The following SCAPER variants were observed in gnomAD, a reference collection of about 807,000 sequenced individuals.
SCAPER encodes S-phase cyclin A associated protein in the ER, also known as S phase cyclin A-associated protein in the endoplasmic reticulum.
In SCAPER, 98 loss-of-function variants were observed where a neutral mutation model predicts 182.2. The ratio of observed to expected loss-of-function variants is 0.54; its 90% CI spans 0.46 to 0.64. SCAPER has a LOEUF of 0.64. SCAPER is among the 30% of genes least tolerant of loss of function. The pLI, the probability that SCAPER is intolerant of heterozygous loss-of-function variation, is 0.00. For synonymous variants in SCAPER, 605 were observed against 564.6 expected (o/e 1.07, Z -1.01); for missense variants, 1,432 against 1,690.0 (o/e 0.85, Z 2.68).
chr15:76,385,440 C>T (rs963432494), intron 27 of SCAPER, among the ~76,000 whole-genome samples: 1 of 152,162 alleles, frequency 6.6e-6, no homozygotes, highest in African/African-American at 2.4e-5. Context: ...AGTTTGGCTT[C>T]ATTTTGGAAT....
intron 4 of SCAPER, among the ~76,000 whole-genome samples, chr15:76,849,193 C>G (rs1284170812): frequency 1.3e-5 from 2 of 152,208 alleles, no homozygotes. Flanking sequence ...CCGCCCCATC[C>G]CAGTGGCTGA....
At chr15:76,423,467 C>G (rs968794195) in intron 26 of SCAPER, among the ~76,000 whole-genome samples, 1 of 152,098 alleles carries the variant, frequency 6.6e-6, no homozygotes, top group Non-Finnish European at 1.5e-5. Context: ...GTGGTGATAT[C>G]CCGTTCATCA....
chr15:76,800,263 C>A lies in SCAPER; in HGVS notation c.596G>T (p.Arg199Leu). 6.2e-7 allele frequency: 1 copy of A among 1,608,984 alleles called. No homozygotes were observed. The highest frequency in any genetic ancestry group is 2.2e-5 in the East Asian group (1 of 44,820). ...DRINVTSNARRSLNFGGSTGT... is the reference protein window; with the variant it reads ...DRINVTSNARLSLNFGGSTGT... ...TTCATCTCACCCAAAATTTAAGCTT[C>A]GTCGAGCATTTGATGTTACATTTAT... Residue 199 changes from arginine (R) to leucine (L), a missense_variant, in exon 7 of 32, where the codon CGA (arginine) becomes CTA (leucine). Arg to Leu is a moderately radical substitution (Grantham distance 102). Transcript: ENST00000563290.
intron 17 of SCAPER, among the ~76,000 whole-genome samples, chr15:76,726,931 T>C (rs898583564): frequency 2.0e-5 from 3 of 151,900 alleles, no homozygotes; most frequent in Non-Finnish European, 4.4e-5. Flanking sequence ...TGGTGATAGT[T>C]TCATAAAAAT....
chr15:76,905,268 T>C (rs1224985189), intron 1 of SCAPER, 31 bp downstream of exon 1: 2 of 240,786 alleles, frequency 8.3e-6, no homozygotes, highest in Non-Finnish European at 1.7e-5. Flanking sequence ...CGCCCGGGTC[T>C]GCGCTACGCA....
At chr15:76,480,383 A>G (rs1052866453) in intron 24 of SCAPER, among the ~76,000 whole-genome samples, 5 of 152,236 alleles carry the variant, frequency 3.3e-5, no homozygotes, top group Admixed American at 2.0e-4. Context: ...TTAGAAGTCT[A>G]AGGCCTGAAG....
chr15:76,419,712 C>T (rs905084789), intron 26 of SCAPER, among the ~76,000 whole-genome samples: 1 of 152,014 alleles, frequency 6.6e-6, no homozygotes, highest in African/African-American at 2.4e-5. Flanking sequence ...AAGAGCAAAA[C>T]TCTGTCTCAA....
chr15:76,432,572 C>T (rs1385255468), intron 26 of SCAPER, among the ~76,000 whole-genome samples: 1 of 152,198 alleles, frequency 6.6e-6, no homozygotes, highest in African/African-American at 2.4e-5. Context: ...GAGATCAGTG[C>T]AGAACACAGA....
Position 76,370,291 on chromosome 15 carries a change from A to AT in SCAPER, c.3855+5870dup, listed in dbSNP as rs10524497. On this transcript the variant is annotated intron_variant, in intron 29 of 31. Coordinates refer to ENST00000563290, the MANE Select transcript of SCAPER (RefSeq NM_020843.4). ...GTATAACATATAATTTACCATTTCA[A>AT]TTTTTTTTTTTTTTTTTTTTTTTTT... Among the ~76,000 whole-genome samples the AT allele has an allele frequency of 5.0e-3, 592 of 119,414 alleles. 18 individuals carry two copies. The highest frequency in any genetic ancestry group is 0.017 in the African/African-American group (475 of 27,188). The allele number at this position is 119,414 out of a possible 152,430, so 78.3% of individuals were successfully genotyped here.
At chr15:76,896,975 A>G (rs1412892425) in intron 1 of SCAPER, among the ~76,000 whole-genome samples, 1 of 151,986 alleles carries the variant, frequency 6.6e-6, no homozygotes, top group Admixed American at 6.6e-5. Context: ...TTTTAAAAAG[A>G]GTAAGTTCTG....
At chr15:76,450,300 C>T (rs1851757123) in intron 25 of SCAPER, among the ~76,000 whole-genome samples, 2 of 152,274 alleles carry the variant, frequency 1.3e-5, no homozygotes, top group Middle Eastern at 3.4e-3. Flanking sequence ...TTATACATAT[C>T]AAGACACTGA....
intron 8 of SCAPER, among the ~76,000 whole-genome samples, chr15:76,787,057 T>C (rs1256125858): frequency 6.6e-6 from 1 of 152,218 alleles, no homozygotes; most frequent in African/African-American, 2.4e-5. Context: ...TCTCTCTAAA[T>C]TGATTAACTC....
rs759722506 is a variant in SCAPER at position 76,383,119 on chromosome 15, C to CAT, written c.3468-1505_3468-1504insAT. ...GTGTGTGTAAATACACACACACACACCTACACACACATATATATACATATA... is the reference window on the plus strand; with the variant it reads ...GTGTGTGTAAATACACACACACACACATCTACACACACATATATATACATATA... On this transcript the variant is annotated intron_variant, in intron 27 of 31. Transcript: ENST00000563290. 2.1e-4 allele frequency among the ~76,000 whole-genome samples: 31 copies of CAT among 145,868 alleles called. 1 individual carries two copies. The highest frequency in any genetic ancestry group is 1.8e-3 in the Admixed American group (27 of 14,636).
At chr15:76,357,473 G>A (rs1238963525) in intron 29 of SCAPER, among the ~76,000 whole-genome samples, 2 of 152,210 alleles carry the variant, frequency 1.3e-5, no homozygotes, top group Non-Finnish European at 2.9e-5. Flanking sequence ...TGTTGGCGAG[G>A]ATACAGAGAA....
intron 11 of SCAPER, 46 bp from the exon 12 acceptor site, chr15:76,765,684 T>C (rs536274670): frequency 7.1e-7 from 1 of 1,417,350 alleles, no homozygotes; most frequent in East Asian, 2.5e-5. Flanking sequence ...TTGAACACAA[T>C]TACAACTTTA....
intron 22 of SCAPER, among the ~76,000 whole-genome samples, chr15:76,611,355 C>CA (rs2050970190): frequency 6.6e-6 from 1 of 151,994 alleles, no homozygotes; most frequent in African/African-American, 2.4e-5. Context: ...TTCCTGGACA[C>CA]ATACACCTTT....
rs181959517 is a variant in SCAPER at position 76,875,998 on chromosome 15, C to A, written c.6+7814G>T. ...CCGCTGGGAGGCAGCAAAGGCCCAG[C>A]GAGAAATCGAGCGCAGCGCCAGTCG... is the stretch of plus-strand genomic sequence containing the variant. On this transcript the variant is annotated intron_variant, in intron 2 of 31. Transcript: ENST00000563290. Among the ~76,000 whole-genome samples, 915 of 152,302 alleles carry A rather than the reference C, an allele frequency of 6.0e-3. 5 individuals are homozygous for A. The highest frequency in any genetic ancestry group is 9.2e-3 in the Non-Finnish European group (629 of 68,010).
intron 23 of SCAPER, among the ~76,000 whole-genome samples, chr15:76,570,274 G>GT (rs1034878283): frequency 2.2e-4 from 33 of 151,538 alleles, no homozygotes; most frequent in African/African-American, 3.2e-4. Flanking sequence ...CAAAACATGA[G>GT]TTTTTTTTGT....
intron 20 of SCAPER, among the ~76,000 whole-genome samples, chr15:76,674,538 G>A (rs1286636828): frequency 6.6e-6 from 1 of 152,142 alleles, no homozygotes; most frequent in Admixed American, 6.5e-5. Context: ...CATACTCGGT[G>A]TTTTAAGGTC....
Sources: gnomAD v4.1 joint callset for allele counts (sites outside exome capture counted in the v4.1 genomes callset) on GRCh38, gnomAD v4.1.1 for gene constraint, MANE v1.5 for transcripts, NCBI Gene and HGNC (gene_info 2026-07-23, HGNC 2026-07-21) for gene names.